The following AVEN variants were observed in gnomAD, a reference collection of about 807,000 sequenced individuals.
AVEN encodes apoptosis and caspase activation inhibitor.
A neutral mutation model predicts 38.1 loss-of-function variants in AVEN; 41 were observed. That is an observed-to-expected ratio of 1.08 (90% confidence interval 0.84 to 1.40). The LOEUF is 1.40. Among genes scored for constraint, AVEN ranks in the 40% most tolerant of loss-of-function variants. The pLI, the probability that AVEN is intolerant of heterozygous loss-of-function variation, is 0.00. For synonymous variants in AVEN, 206 were observed against 171.8 expected (o/e 1.20, Z -1.56); for missense variants, 605 against 438.8 (o/e 1.38, Z -3.38).
At chr15:34,073,207 A>ATTTTTTTTTTTTT (rs761265891) in intron 1 of AVEN, among the ~76,000 whole-genome samples, 4 of 111,870 alleles carry the variant, frequency 3.6e-5, no homozygotes, top group African/African-American at 1.5e-4. Flanking sequence ...CGCCCGGCTA[A>ATTTTTTTTTTTTT]TTTTTTTTTT....
chr15:34,013,388 A>T (rs1261696931), intron 1 of AVEN, among the ~76,000 whole-genome samples: 1 of 152,112 alleles, frequency 6.6e-6, no homozygotes, highest in Non-Finnish European at 1.5e-5. Context: ...ATGAAAATAA[A>T]AACAGTCACC....
chr15:33,859,818 A>ATTCACAC, intron 11 of AVEN: 1 of 1,354,040 alleles, frequency 7.4e-7, no homozygotes, highest in Non-Finnish European at 1.0e-6. Flanking sequence ...TGGTTTATGA[A>ATTCACAC]GAAGCGTGTG....
chr15:33,871,057 AATATC>A, intron 3 of AVEN, 27 bp from the exon 4 acceptor site: 1 of 1,304,040 alleles, frequency 7.7e-7, no homozygotes, highest in Non-Finnish European at 1.0e-6. Flanking sequence ...AAGAAAATAA[AATATC>A]AGGTGATGAT....
At chr15:33,862,002 T>TAA (rs1253535856), downstream of AVEN, among the ~76,000 whole-genome samples, 2 of 152,168 alleles carry the variant, frequency 1.3e-5, no homozygotes, top group African/African-American at 4.8e-5. Flanking sequence ...TATTCTACGG[T>TAA]AAAGCATTCA....
chr15:33,979,834 T>A (rs1174234970), intron 2 of AVEN, among the ~76,000 whole-genome samples: 5 of 152,208 alleles, frequency 3.3e-5, no homozygotes, highest in Non-Finnish European at 7.3e-5. Flanking sequence ...AATGCATATA[T>A]GCTTATATAT....
chr15:33,883,140 C>T (rs1241719982), intron 2 of AVEN, among the ~76,000 whole-genome samples: 1 of 152,092 alleles, frequency 6.6e-6, no homozygotes, highest in Non-Finnish European at 1.5e-5. Context: ...ACAACTTTAC[C>T]ATCATCAGTA....
At chr15:33,935,922 C>T (rs1011968539) in intron 2 of AVEN, among the ~76,000 whole-genome samples, 1 of 152,066 alleles carries the variant, frequency 6.6e-6, no homozygotes, top group Admixed American at 6.6e-5. Flanking sequence ...CATATAGGCT[C>T]ATTCATTTAG....
intron 1 of AVEN, among the ~76,000 whole-genome samples, chr15:34,006,531 C>G (rs1465384986): frequency 6.6e-6 from 1 of 152,150 alleles, no homozygotes; most frequent in Non-Finnish European, 1.5e-5. Context: ...AAATAATTAC[C>G]TTGATCTAAA....
chr15:33,980,411 C>T (rs912449763), intron 2 of AVEN, among the ~76,000 whole-genome samples: 16 of 152,228 alleles, frequency 1.1e-4, no homozygotes, highest in Non-Finnish European at 2.1e-4. Flanking sequence ...TTACGCAAGG[C>T]TGTTATAGTA....
At chr15:33,907,426 CT>C (rs1892747276) in intron 2 of AVEN, among the ~76,000 whole-genome samples, 1 of 152,130 alleles carries the variant, frequency 6.6e-6, no homozygotes, top group African/African-American at 2.4e-5. Context: ...TGGGATTATG[CT>C]TTTTGAATGA....
chr15:34,026,495 A>G (rs1898478576), intron 1 of AVEN, among the ~76,000 whole-genome samples: 1 of 152,186 alleles, frequency 6.6e-6, no homozygotes, highest in Admixed American at 6.5e-5. Context: ...AATTGAAGAA[A>G]TCATATAAGG....
chr15:33,928,673 G>T (rs1483072374), intron 2 of AVEN, among the ~76,000 whole-genome samples: 1 of 152,162 alleles, frequency 6.6e-6, no homozygotes, highest in Non-Finnish European at 1.5e-5. Context: ...ATTGCCACAT[G>T]AACCCAGAAG....
chr15:33,903,904 T>C (rs1248062848), intron 2 of AVEN, among the ~76,000 whole-genome samples: 2 of 152,226 alleles, frequency 1.3e-5, no homozygotes, highest in Non-Finnish European at 2.9e-5. Flanking sequence ...TGGTGTAGCC[T>C]ATTGTTTCTA....
At chr15:34,067,725 T>A (rs1382904585) in intron 2 of AVEN, among the ~76,000 whole-genome samples, 1 of 151,866 alleles carries the variant, frequency 6.6e-6, no homozygotes, top group Non-Finnish European at 1.5e-5. Context: ...ACAAGGGAGG[T>A]GGGGCAGACC....
chr15:33,860,496 C>G, intron 11 of AVEN: 1 of 554,244 alleles, frequency 1.8e-6, no homozygotes, highest in Non-Finnish European at 3.0e-6. Flanking sequence ...TGATAATTCA[C>G]TTTTTTTTTT....
intron 2 of AVEN, among the ~76,000 whole-genome samples, chr15:33,985,703 G>A (rs547397814): frequency 1.8e-4 from 27 of 152,146 alleles, no homozygotes; most frequent in African/African-American, 6.3e-4. Context: ...TGATTCCTTA[G>A]TGTTTGGTAA....
chr15:33,867,634 T>A lies in AVEN; in HGVS notation c.834A>T (p.Ala278=). 1 of 1,614,226 alleles carries A rather than the reference T, an allele frequency of 6.2e-7. No individual in the cohort carries two copies. Among genetic ancestry groups the A allele is most frequent in the Non-Finnish European group, 8.5e-7 (1 of 1,180,042 alleles). ...SQKPTSPLQS[A]GDHLEEELDL... is the part of the protein sequence containing the mutation. ...CTAGTTCTTCTTCCAAATGGTCTCC[T>A]GCTGACTGCAGTGGGGAAGTGGGTT... Residue 278 remains alanine, a synonymous_variant, in exon 5 of 6, where the codon GCA becomes GCT. Coordinates refer to ENST00000306730, the MANE Select transcript of AVEN (RefSeq NM_020371.3).
rs1434926817 is a variant in AVEN at position 34,063,127 on chromosome 15, C to T, written n.1432G>A. On this transcript the variant is annotated non_coding_transcript_exon_variant, in exon 5 of 12. Coordinates refer to the AVEN transcript ENST00000675287. The surrounding 1 kb of genome is among the most constrained non-coding windows in gnomAD (Gnocchi z 4.1). ...TACTTTTCCATCACAAGACCCTTGACATATCGGGCCAAGCGTACTCCGAAA... is the reference window on the plus strand; with the variant it reads ...TACTTTTCCATCACAAGACCCTTGATATATCGGGCCAAGCGTACTCCGAAA... 1 of 1,614,188 alleles carries T rather than the reference C, an allele frequency of 6.2e-7. No homozygotes were observed. Among genetic ancestry groups the T allele is most frequent in the Non-Finnish European group, 8.5e-7 (1 of 1,180,036 alleles).
intron 1 of AVEN, among the ~76,000 whole-genome samples, chr15:34,009,409 T>G (rs1413734350): frequency 6.6e-6 from 1 of 152,206 alleles, no homozygotes; most frequent in Non-Finnish European, 1.5e-5. Context: ...TTTACTGATT[T>G]TAAAAGCAAT....
Sources: allele counts gnomAD v4.1 joint callset (sites outside exome capture counted in the v4.1 genomes callset), GRCh38; gene constraint gnomAD v4.1.1; non-coding constraint Gnocchi (gnomAD v3.1); transcripts MANE v1.5; gene names NCBI Gene and HGNC (gene_info 2026-07-23, HGNC 2026-07-21).